Variants in NPR3 observed in about 807,000 individuals in gnomAD.
NPR3 encodes the protein atrial natriuretic peptide receptor 3.
NPR3 carries 34 observed loss-of-function variants against 54.5 expected under a neutral mutation model. The observed-to-expected ratio is 0.62, with a 90% confidence interval of 0.47 to 0.83. NPR3 has a LOEUF of 0.83. Ranked by LOEUF, NPR3 falls within the 40% of genes least tolerant of loss-of-function variation. The pLI, the probability that NPR3 is intolerant of heterozygous loss-of-function variation, is 0.00. For synonymous variants in NPR3, 289 were observed against 297.1 expected, an observed-to-expected ratio of 0.97 and a Z score of 0.28; for missense variants, 674 against 720.8, an observed-to-expected ratio of 0.94 and a Z score of 0.74.
In NPR3 at chr5:32,789,736, C is replaced by G. The variant is rs1561141538; in HGVS notation, c.*3391C>G. 1 of 534,120 alleles carries G rather than the reference C, an allele frequency of 1.9e-6. No homozygotes were observed. The highest frequency in any genetic ancestry group is 3.8e-6 in the Non-Finnish European group (1 of 259,890). 33.1% of individuals were successfully genotyped at this position (534,120 alleles called of 1,614,324 possible). On this transcript the variant is annotated 3_prime_UTR_variant, in exon 8 of 8. Transcript: ENST00000265074. ...TTTGGGTGTGTGTGTGTAAGACATGCAGTCAACAATGAGATGAAGGCCATT... is the reference window on the plus strand; with the variant it reads ...TTTGGGTGTGTGTGTGTAAGACATGGAGTCAACAATGAGATGAAGGCCATT...
intron 4 of NPR3, among the ~76,000 whole-genome samples, chr5:32,779,819 C>T (rs566514751): frequency 5.7e-4 from 87 of 152,238 alleles, no homozygotes; most frequent in Middle Eastern, 3.4e-3. Context: ...ACAGTAATAA[C>T]GACAGTAGAT....
intron 1 of NPR3, among the ~76,000 whole-genome samples, chr5:32,700,259 G>T (rs746073481): frequency 6.6e-5 from 10 of 152,066 alleles, no homozygotes; most frequent in African/African-American, 9.7e-5. Context: ...AAAGTTCTCT[G>T]TTATTATCCC....
chr5:32,728,833 GTGTGTATATATATATA>G (rs893800643), intron 2 of NPR3, among the ~76,000 whole-genome samples: 2 of 64,074 alleles, frequency 3.1e-5, no homozygotes, highest in Admixed American at 1.9e-4. Context: ...GTGTGTGTGT[GTGTGTATATATATATA>G]TATATATATA....
Position 32,738,887 on chromosome 5 carries a change from G to A in NPR3, c.916G>A (p.Asp306Asn), listed in dbSNP as rs767222632. Residue 306 changes from aspartate to asparagine, a missense_variant, in exon 3 of 8, where the codon GAC becomes AAC. By Grantham distance (23) the Asp-to-Asn change is conservative. Coordinates refer to ENST00000265074, the MANE Select transcript of NPR3 (RefSeq NM_001204375.2). ...AGGAGATGGCTCATGGAAGAGAGGA[G>A]ACAAACACGACTTTGAAGCTAAGCA... is the stretch of plus-strand genomic sequence containing the variant. Reference protein sequence around the residue: ...SYGDGSWKRGDKHDFEAKQAY... With the variant: ...SYGDGSWKRGNKHDFEAKQAY... 1.8e-5 allele frequency: 29 copies of A among 1,613,664 alleles called. 1 individual carries two copies. The African/African-American group carries it at 3.3e-4, about 19-fold the overall frequency.
rs1407289824 is a variant in NPR3 at position 32,725,834 on chromosome 5, T to C, written c.892+1014T>C. On this transcript the variant is annotated intron_variant, in intron 2 of 7. Transcript: ENST00000265074. ...GTACAAATCATTTGAAAGCCACTGC[T>C]CCCAGTCCCCTCTTTCTTCCAGATT... 2.6e-5 allele frequency among the ~76,000 whole-genome samples: 4 copies of C among 152,212 alleles called. No homozygotes were observed. In the East Asian group the frequency reaches 7.7e-4, roughly 29 times the overall value.
intron 3 of NPR3, among the ~76,000 whole-genome samples, chr5:32,768,468 A>G (rs776219494): frequency 4.1e-4 from 63 of 152,188 alleles, no homozygotes; most frequent in Non-Finnish European, 7.1e-4. Context: ...CTTGTGCTCC[A>G]TACCCACCAA....
intron 1 of NPR3, chr5:32,713,555 G>T: frequency 3.6e-6 from 3 of 831,766 alleles, no homozygotes; most frequent in Non-Finnish European, 4.4e-6. Context: ...CCCCCTTGGC[G>T]CTCACGCGCC....
upstream of NPR3, chr5:32,710,859 G>GTTTTTT (rs56022335): frequency 1.0e-4 from 99 of 979,706 alleles, no homozygotes; most frequent in African/African-American, 1.3e-3. Flanking sequence ...CCCAGTCCTG[G>GTTTTTT]TTTTTTTTTT....
intron 1 of NPR3, among the ~76,000 whole-genome samples, chr5:32,699,706 C>T (rs1224510555): frequency 6.6e-6 from 1 of 152,280 alleles, no homozygotes; most frequent in East Asian, 1.9e-4. Context: ...TCATTCTACT[C>T]GACATGAGTA....
chr5:32,729,858 A>G (rs1739367369), intron 2 of NPR3, among the ~76,000 whole-genome samples: 1 of 152,236 alleles, frequency 6.6e-6, no homozygotes, highest in Admixed American at 6.5e-5. Context: ...AGCTTCCTCT[A>G]ATGTTACCAA....
intron 3 of NPR3, among the ~76,000 whole-genome samples, chr5:32,761,883 G>A (rs1215276837): frequency 6.6e-6 from 1 of 151,498 alleles, no homozygotes; most frequent in Non-Finnish European, 1.5e-5. Flanking sequence ...ATGGTGATTT[G>A]CTGCACTCAT....
At chr5:32,732,322 G>A (rs1000439400) in intron 2 of NPR3, among the ~76,000 whole-genome samples, 3 of 149,838 alleles carry the variant, frequency 2.0e-5, no homozygotes, top group East Asian at 3.9e-4. Flanking sequence ...TCCAGGGATC[G>A]TGTGTTAATT....
At chr5:32,746,399 C>A (rs137929956) in intron 3 of NPR3, among the ~76,000 whole-genome samples, 1 of 152,124 alleles carries the variant, frequency 6.6e-6, no homozygotes, top group Admixed American at 6.6e-5. Flanking sequence ...TTGAATTAGA[C>A]CATGGCTTGT....
chr5:32,767,207 G>T (rs953716718), intron 3 of NPR3, among the ~76,000 whole-genome samples: 2 of 152,200 alleles, frequency 1.3e-5, no homozygotes, highest in Non-Finnish European at 2.9e-5. Flanking sequence ...TTTGCTGGCT[G>T]AACAAATGTG....
intron 1 of NPR3, among the ~76,000 whole-genome samples, chr5:32,717,990 G>A (rs1369408521): frequency 2.0e-5 from 3 of 152,144 alleles, no homozygotes; most frequent in South Asian, 2.1e-4. Context: ...ATGGTTTTAG[G>A]TTTAACATTT....
chr5:32,769,051 A>G (rs1347991613), intron 3 of NPR3, among the ~76,000 whole-genome samples: 2 of 152,190 alleles, frequency 1.3e-5, no homozygotes, highest in Non-Finnish European at 2.9e-5. Context: ...TCAAGTGACC[A>G]AGTGAGAATT....
chr5:32,774,083 A>G (rs903782047), intron 3 of NPR3, among the ~76,000 whole-genome samples: 1 of 152,182 alleles, frequency 6.6e-6, no homozygotes, highest in Admixed American at 6.5e-5. Flanking sequence ...GGCAGGGAGT[A>G]GGGATAGGGA....
chr5:32,707,666 C>T (rs1204350713), upstream of NPR3, among the ~76,000 whole-genome samples: 2 of 152,076 alleles, frequency 1.3e-5, no homozygotes, highest in Non-Finnish European at 2.9e-5. Context: ...TTCTCGAATA[C>T]AACTTTAGGG....
chr5:32,714,184 TC>T (rs1390920774), intron 1 of NPR3, among the ~76,000 whole-genome samples: 2 of 152,028 alleles, frequency 1.3e-5, no homozygotes, highest in Non-Finnish European at 2.9e-5. Context: ...TGGGGGTGTG[TC>T]CCCCTATGGG....
Sources: allele counts gnomAD v4.1 joint callset (sites outside exome capture counted in the v4.1 genomes callset), GRCh38; gene constraint gnomAD v4.1.1; transcripts MANE v1.5; gene names NCBI Gene and HGNC (gene_info 2026-07-23, HGNC 2026-07-21).